The following PRPSAP2 variants were observed in gnomAD, a reference collection of about 807,000 sequenced individuals.
The protein encoded by PRPSAP2 is phosphoribosyl pyrophosphate synthase-associated protein 2.
Under a neutral mutation model 40.6 loss-of-function variants are expected in PRPSAP2, and 24 were observed. The ratio of observed to expected loss-of-function variants is 0.59; its 90% confidence interval spans 0.43 to 0.83. PRPSAP2 has a LOEUF of 0.83. Ranked by LOEUF, PRPSAP2 falls within the 40% of genes least tolerant of loss-of-function variation. The pLI is 0.00. For missense variants in PRPSAP2, 292 were observed against 465.6 expected (o/e 0.63, Z 3.43); for synonymous variants, 149 against 164.7 (o/e 0.90, Z 0.73).
At chr17:18,917,612 T>A (rs1275048205) in intron 9 of PRPSAP2, 11 of 119,902 alleles carry the variant, frequency 9.2e-5, no homozygotes, top group African/African-American at 2.9e-4. Context: ...TTTTTTTTTT[T>A]TTTTTTTAGT....
chr17:18,907,064 C>G (rs1362074057), intron 8 of PRPSAP2, among the ~76,000 whole-genome samples: 1 of 151,742 alleles, frequency 6.6e-6, no homozygotes, highest in Non-Finnish European at 1.5e-5. Flanking sequence ...TCAGTATAAT[C>G]CTTAATTTTT....
rs181198540 is a variant in PRPSAP2, at chr17:18,859,156, C to A, written c.-129+895C>A. 1.4e-3 allele frequency among the ~76,000 whole-genome samples: 219 copies of A among 152,288 alleles called. 1 individual carries two copies. The highest frequency in any genetic ancestry group is 5.1e-3 in the African/African-American group (211 of 41,558). On this transcript the variant is annotated intron_variant, in intron 1 of 11. Transcript: ENST00000268835. ...CTTTGAAAAGTCTTATGTTGACCAC[C>A]ATCACTGAGCATATAGCTTTTTCCT... is the stretch of plus-strand genomic sequence containing the variant.
At chr17:18,866,757 T>C (rs2037462265) in intron 3 of PRPSAP2, among the ~76,000 whole-genome samples, 1 of 152,070 alleles carries the variant, frequency 6.6e-6, no homozygotes, top group Non-Finnish European at 1.5e-5. Flanking sequence ...CAAACAGAAA[T>C]CAAGTCAACA....
chr17:18,859,748 T>C (rs1458520575), intron 1 of PRPSAP2: 1 of 152,222 alleles, frequency 6.6e-6, no homozygotes, highest in Non-Finnish European at 1.5e-5. Flanking sequence ...AATAAGTTTT[T>C]TTATTTTTAT....
chr17:18,889,053 C>T (rs185410395), intron 7 of PRPSAP2, among the ~76,000 whole-genome samples: 2 of 152,266 alleles, frequency 1.3e-5, no homozygotes, highest in Admixed American at 6.5e-5. Flanking sequence ...AGAAAGACTG[C>T]CAGCAAAAAT....
At chr17:18,913,862 A>G (rs2041125014) in intron 9 of PRPSAP2, among the ~76,000 whole-genome samples, 1 of 151,208 alleles carries the variant, frequency 6.6e-6, no homozygotes, top group Non-Finnish European at 1.5e-5. Flanking sequence ...CTTTCTATCC[A>G]TACTAATCTC....
At chr17:18,904,006 T>C (rs2040435025) in intron 8 of PRPSAP2, among the ~76,000 whole-genome samples, 1 of 152,132 alleles carries the variant, frequency 6.6e-6, no homozygotes, top group Admixed American at 6.6e-5. Flanking sequence ...CTGTAATCAA[T>C]GTAGAAGTCA....
At chr17:18,927,772 TG>T (rs2042046474) in intron 10 of PRPSAP2, among the ~76,000 whole-genome samples, 1 of 151,314 alleles carries the variant, frequency 6.6e-6, no homozygotes, top group African/African-American at 2.4e-5. Flanking sequence ...TAAAGTAGCG[TG>T]TGTGTGTGTG....
intron 1 of PRPSAP2, chr17:18,860,798 A>G (rs942098951): frequency 3.3e-5 from 5 of 152,224 alleles, no homozygotes; most frequent in African/African-American, 1.2e-4. Flanking sequence ...AGTCTGTCCA[A>G]AGGAAATGAT....
At chr17:18,881,641 G>T (rs960038188) in intron 6 of PRPSAP2, among the ~76,000 whole-genome samples, 1 of 150,100 alleles carries the variant, frequency 6.7e-6, no homozygotes, top group East Asian at 2.0e-4. Context: ...GCACTGAAGC[G>T]ATTCTCCCAC....
At chr17:18,914,068 G>A (rs2041139398) in intron 9 of PRPSAP2, among the ~76,000 whole-genome samples, 1 of 151,148 alleles carries the variant, frequency 6.6e-6, no homozygotes, top group Admixed American at 6.6e-5. Context: ...CAACTACTCG[G>A]GAGGCTAAGG....
At chr17:18,919,360 T>C (rs921495272) in intron 9 of PRPSAP2, among the ~76,000 whole-genome samples, 1 of 151,978 alleles carries the variant, frequency 6.6e-6, no homozygotes, top group Non-Finnish European at 1.5e-5. Context: ...ATATAAAAAT[T>C]AGCCAGGTGT....
At chr17:18,889,502 T>C (rs1223206733) in intron 7 of PRPSAP2, among the ~76,000 whole-genome samples, 1 of 152,210 alleles carries the variant, frequency 6.6e-6, no homozygotes, top group Admixed American at 6.5e-5. Flanking sequence ...GATATCCTTG[T>C]ACTTTGAAAT....
intron 6 of PRPSAP2, among the ~76,000 whole-genome samples, chr17:18,881,725 G>C (rs1181796539): frequency 6.6e-6 from 1 of 151,808 alleles, no homozygotes; most frequent in South Asian, 2.1e-4. Flanking sequence ...GTAGAGGCGG[G>C]GTTTTGCCAT....
At chr17:18,927,884 T>C (rs1025923332) in intron 10 of PRPSAP2, among the ~76,000 whole-genome samples, 1 of 152,104 alleles carries the variant, frequency 6.6e-6, no homozygotes, top group East Asian at 1.9e-4. Flanking sequence ...GCTAAAGCAA[T>C]CCTCCTGCCT....
chr17:18,875,569 TAAAA>T (rs111730282), intron 5 of PRPSAP2, among the ~76,000 whole-genome samples: 1 of 129,830 alleles, frequency 7.7e-6, no homozygotes, highest in Non-Finnish European at 1.7e-5. Flanking sequence ...CATCTCGAAG[TAAAA>T]AAAAAAAAGG....
At chr17:18,877,938 T>A in intron 6 of PRPSAP2, 68 bp downstream of exon 6, 1 of 1,471,410 alleles carries the variant, frequency 6.8e-7, no homozygotes, top group Non-Finnish European at 9.2e-7. Flanking sequence ...TCTCTCTTTT[T>A]TAAGACAGGG....
chr17:18,858,658 C>A (rs1434573354), intron 1 of PRPSAP2: 2 of 152,344 alleles, frequency 1.3e-5, no homozygotes, highest in South Asian at 4.1e-4. Flanking sequence ...TTGCTAGTTA[C>A]GAATATATCT....
Position 18,930,720 on chromosome 17 carries a change from C to T in PRPSAP2, c.*22C>T, listed in dbSNP as rs369036906. Reference sequence around the variant, plus strand: ...CTGAGTTTTCCTTTAGGAAAACTCCCGAGGGCCAAACTGGAAACATAAGAG... The same window carrying T: ...CTGAGTTTTCCTTTAGGAAAACTCCTGAGGGCCAAACTGGAAACATAAGAG... On this transcript the variant is annotated 3_prime_UTR_variant, in exon 12 of 12. Coordinates refer to ENST00000268835, the MANE Select transcript of PRPSAP2 (RefSeq NM_002767.4). 42 of 1,589,448 alleles carry T rather than the reference C, an allele frequency of 2.6e-5. No individual in the cohort carries two copies. The highest frequency in any genetic ancestry group is 3.4e-5 in the Admixed American group (2 of 58,206).
Sources: gnomAD v4.1 joint callset for allele counts (sites outside exome capture counted in the v4.1 genomes callset) on GRCh38, gnomAD v4.1.1 for gene constraint, MANE v1.5 for transcripts, NCBI Gene and HGNC (gene_info 2026-07-23, HGNC 2026-07-21) for gene names.